Variants in PCDHGA2 observed in about 807,000 individuals in gnomAD.
PCDHGA2 encodes the protein protocadherin gamma subfamily A, 2.
A neutral mutation model predicts 59.2 loss-of-function variants in PCDHGA2; 40 were observed. The observed-to-expected ratio is 0.68, with a 90% confidence interval of 0.52 to 0.88. The LOEUF (loss-of-function observed/expected upper bound fraction) is 0.88, where lower values mean the gene tolerates loss of function less well. Ranked by LOEUF, PCDHGA2 falls within the 40% of genes least tolerant of loss-of-function variation. PCDHGA2 has a pLI of 0.00. For missense variants in PCDHGA2, 1,226 were observed against 1,204.0 expected, an observed-to-expected ratio of 1.02 and a Z score of -0.27; for synonymous variants, 560 against 526.0, an observed-to-expected ratio of 1.06 and a Z score of -0.89.
intron 1 of PCDHGA2, chr5:141,370,661 T>C (rs2149968382): frequency 6.2e-7 from 1 of 1,613,892 alleles, no homozygotes; most frequent in African/African-American, 1.3e-5. Flanking sequence ...TGAGCGACCG[T>C]ATAGACCGAG....
At position 141,381,228 on chromosome 5, in the gene PCDHGA2, A is replaced by G. The variant is rs182297381; in HGVS notation, c.2424+39833A>G. ...TCTGGATTCTCCTCCTGGTTCCACC[A>G]ACTACTCTCCAGGACCTAGAAGAAT... On this transcript the variant is annotated intron_variant, in intron 1 of 3. Transcript: ENST00000394576. Among the ~76,000 whole-genome samples, 8 of 152,396 alleles carry G rather than the reference A, an allele frequency of 5.2e-5. No individual in the cohort carries two copies. In the East Asian group the frequency reaches 1.5e-3, roughly 29 times the overall value.
At chr5:141,421,267 C>A in intron 1 of PCDHGA2, 1 of 1,611,374 alleles carries the variant, frequency 6.2e-7, no homozygotes, top group South Asian at 1.1e-5. Flanking sequence ...CAGTCGGCTG[C>A]TGCTGCTGCT....
At chr5:141,409,059 A>G (rs2095217608) in intron 1 of PCDHGA2, 2 of 1,614,050 alleles carry the variant, frequency 1.2e-6, no homozygotes, top group Non-Finnish European at 1.7e-6. Context: ...AGCACTGCCC[A>G]GAGCACAAAA....
chr5:141,457,429 C>A (rs73280316), intron 1 of PCDHGA2, among the ~76,000 whole-genome samples: 7 of 152,178 alleles, frequency 4.6e-5, no homozygotes, highest in Non-Finnish European at 7.4e-5. Flanking sequence ...TTTTCCCCCC[C>A]ACCAAGCTGC....
chr5:141,483,869 G>A (rs2099587910), intron 1 of PCDHGA2, among the ~76,000 whole-genome samples: 1 of 152,126 alleles, frequency 6.6e-6, no homozygotes, highest in South Asian at 2.1e-4. Flanking sequence ...GTCCAGATCA[G>A]GATGGATTTT....
chr5:141,374,519 G>C (rs769907625), intron 1 of PCDHGA2: 94 of 1,612,334 alleles, frequency 5.8e-5, no homozygotes, highest in Non-Finnish European at 7.8e-5. Flanking sequence ...TCTCGAAAAC[G>C]CAGCTCCATC....
intron 1 of PCDHGA2, chr5:141,393,407 CG>C: frequency 5.0e-6 from 8 of 1,614,056 alleles, no homozygotes; most frequent in Non-Finnish European, 6.8e-6. Context: ...TGCTGGAGCG[CG>C]CCCTGGACAG....
At chr5:141,504,203 A>G (rs2099836487) in intron 2 of PCDHGA2, among the ~76,000 whole-genome samples, 1 of 152,248 alleles carries the variant, frequency 6.6e-6, no homozygotes, top group Non-Finnish European at 1.5e-5. Context: ...TCACTGTGGG[A>G]AAATTCCAAG....
At chr5:141,405,047 G>A in intron 1 of PCDHGA2, 4 of 1,613,944 alleles carry the variant, frequency 2.5e-6, no homozygotes, top group Non-Finnish European at 2.5e-6. Context: ...GGCTGTGGCA[G>A]TCGTCTCCTG....
chr5:141,344,465 A>G, intron 1 of PCDHGA2: 2 of 1,613,906 alleles, frequency 1.2e-6, no homozygotes, highest in Non-Finnish European at 1.7e-6. Context: ...AAATTGGTGA[A>G]CTAACGGTTC....
chr5:141,441,762 C>T (rs3805697), intron 1 of PCDHGA2: 63,073 of 367,490 alleles, frequency 0.17, 6,544 homozygotes, highest in Admixed American at 0.27. Context: ...CGTGAGCCTG[C>T]GCGTGTTGGT....
rs1360124362 is a variant in PCDHGA2 at position 141,489,688 on chromosome 5, G to A, written c.2425-5119G>A. On this transcript the variant is annotated intron_variant, in intron 1 of 3. Coordinates refer to ENST00000394576, the MANE Select transcript of PCDHGA2 (RefSeq NM_018915.4). This position sits in a 1 kb window ranked among gnomAD's most constrained non-coding sequence, Gnocchi z 4.5. The stretch of plus-strand genomic sequence containing the variant: ...CATCTCAGAATCAGCAGCATCTGGG[G>A]CACGATTCCCACTGGACAGTGCCCA... 6.2e-7 allele frequency: 1 copy of A among 1,614,150 alleles called. No homozygotes were observed. Among genetic ancestry groups the A allele is most frequent in the Non-Finnish European group, 8.5e-7 (1 of 1,180,012 alleles).
intron 1 of PCDHGA2, chr5:141,350,482 T>C (rs1758488290): frequency 6.2e-7 from 1 of 1,613,922 alleles, no homozygotes. Context: ...ATTTCAACGT[T>C]AGTTTGGAGA....
In PCDHGA2 at chr5:141,340,864, C is replaced by G. The variant is rs776467604; in HGVS notation, c.1893C>G (p.Ala631=). 5 of 1,613,566 alleles carry G rather than the reference C, an allele frequency of 3.1e-6. No homozygotes were observed. Among genetic ancestry groups the G allele is most frequent in the Non-Finnish European group, 4.2e-6 (5 of 1,179,932 alleles). Residue 631 remains alanine, a synonymous_variant, in exon 1 of 4, where the codon GCC becomes GCG. Transcript: ENST00000394576. The part of the protein sequence containing the change: ...LHTGEVRTAR[A]LLDRDALKQS... ...CGGGCGAGGTGCGCACGGCGCGAGC[C>G]CTGCTGGACAGAGACGCGCTCAAGC... is the stretch of plus-strand genomic sequence containing the variant.
intron 1 of PCDHGA2, among the ~76,000 whole-genome samples, chr5:141,455,899 ATTT>A (rs1561962776): frequency 1.3e-5 from 2 of 148,258 alleles, no homozygotes; most frequent in Non-Finnish European, 3.0e-5. Flanking sequence ...TTATTTATTT[ATTT>A]ATTTATTTAT....
rs1156927948 is a variant in PCDHGA2, at chr5:141,490,342, G to A, written c.2425-4465G>A. 16 of 1,614,126 alleles carry A rather than the reference G, an allele frequency of 9.9e-6. 1 individual carries two copies. In the Admixed American group the frequency reaches 1.3e-4, roughly 13 times the overall value. ...CCTAGAGAGCACACCAGTGGGCACA[G>A]TAGTGGGGTTGTTTAATGTGCGAGA... On this transcript the variant is annotated intron_variant, in intron 1 of 3. Coordinates refer to ENST00000394576, the MANE Select transcript of PCDHGA2 (RefSeq NM_018915.4). This position sits in a 1 kb window ranked among gnomAD's most constrained non-coding sequence, Gnocchi z 5.4.
intron 1 of PCDHGA2, chr5:141,383,669 T>C (rs1208890643): frequency 1.2e-6 from 2 of 1,613,784 alleles, no homozygotes; most frequent in Non-Finnish European, 1.7e-6. Flanking sequence ...AATGTGCCAG[T>C]GGGTACAAGA....
rs768560315 is a variant in PCDHGA2, at chr5:141,357,355, TG to T, written c.2424+15962del. On this transcript the variant is annotated intron_variant, in intron 1 of 3. Coordinates refer to ENST00000394576, the MANE Select transcript of PCDHGA2 (RefSeq NM_018915.4). ...GCTGCTAGCACTCAAGCTGAGACGC[TG>T]GCACAAGTCACGCCTGCTTCACGCT... The T allele has an allele frequency of 8.7e-6, 14 of 1,614,154 alleles. No individual in the cohort carries two copies. In the South Asian group the frequency reaches 1.4e-4, roughly 16 times the overall value.
chr5:141,419,926 G>A lies in PCDHGA2; in HGVS notation c.2425-74881G>A. 3 of 1,614,096 alleles carry A rather than the reference G, an allele frequency of 1.9e-6. No homozygotes were observed. In the South Asian group the frequency reaches 3.3e-5, roughly 18 times the overall value. On this transcript the variant is annotated intron_variant, in intron 1 of 3. Transcript: ENST00000394576. ...CCTCTGACTCCCAGGCTGAGATGCA[G>A]TTTTACCTGGTGGTGGCCTTGGCCT... is the stretch of plus-strand genomic sequence containing the variant.
Sources: gnomAD v4.1 joint callset for allele counts (sites outside exome capture counted in the v4.1 genomes callset) on GRCh38, gnomAD v4.1.1 for gene constraint, Gnocchi (gnomAD v3.1) non-coding constraint, MANE v1.5 for transcripts, NCBI Gene and HGNC (gene_info 2026-07-23, HGNC 2026-07-21) for gene names.